The following ADCY2 variants were observed in gnomAD, a reference collection of about 807,000 sequenced individuals.
ADCY2 encodes the protein adenylate cyclase type 2.
A neutral mutation model predicts 125.2 loss-of-function variants in ADCY2; 31 were observed. That is an observed-to-expected ratio of 0.25 (90% CI 0.19 to 0.33). ADCY2 has a LOEUF of 0.33. Ranked by LOEUF, ADCY2 falls within the 10% of genes least tolerant of loss-of-function variation. The pLI is 1.00. For synonymous variants in ADCY2, 512 were observed against 548.4 expected (o/e 0.93, Z 0.93); for missense variants, 904 against 1,418.2 (o/e 0.64, Z 5.82).
chr5:7,770,725 G>A (rs1426988413), intron 17 of ADCY2, among the ~76,000 whole-genome samples: 2 of 152,072 alleles, frequency 1.3e-5, no homozygotes, highest in African/African-American at 2.4e-5. Context: ...CCAGTTCCTG[G>A]GGCAATTTCC....
intron 20 of ADCY2, among the ~76,000 whole-genome samples, chr5:7,793,359 G>A (rs577167061): frequency 1.3e-5 from 2 of 152,326 alleles, no homozygotes; most frequent in Non-Finnish European, 2.9e-5. Context: ...ACTGAGGCAG[G>A]AGAATCGCAC....
At chr5:7,523,262 A>AG in intron 3 of ADCY2, among the ~76,000 whole-genome samples, 1 of 149,544 alleles carries the variant, frequency 6.7e-6, no homozygotes, top group East Asian at 2.0e-4. Flanking sequence ...TGAATACTGT[A>AG]TTCTTTATTG....
intron 4 of ADCY2, among the ~76,000 whole-genome samples, chr5:7,680,391 A>G (rs1740290085): frequency 6.6e-6 from 1 of 152,228 alleles, no homozygotes; most frequent in Non-Finnish European, 1.5e-5. Flanking sequence ...TTTAGAGTAT[A>G]GGCAGATGTG....
intron 2 of ADCY2, among the ~76,000 whole-genome samples, chr5:7,435,084 C>T (rs6886213): frequency 0.38 from 57,707 of 151,990 alleles, 11,142 homozygotes; most frequent in South Asian, 0.5. Context: ...TATGTGTTCT[C>T]CTTGCGTGTT....
At chr5:7,397,451 T>G (rs1002895166) in intron 1 of ADCY2, among the ~76,000 whole-genome samples, 8 of 141,418 alleles carry the variant, frequency 5.7e-5, no homozygotes, top group South Asian at 2.4e-4. Context: ...GTGAGTTTTT[T>G]TTTTTTTTTT....
At chr5:7,608,422 A>G (rs562723133) in intron 3 of ADCY2, among the ~76,000 whole-genome samples, 21 of 152,208 alleles carry the variant, frequency 1.4e-4, no homozygotes, top group African/African-American at 5.1e-4. Flanking sequence ...CTAAAAATAC[A>G]AAAGTTAGCC....
Position 7,396,650 on chromosome 5 carries a change from C to T in ADCY2, c.210+144C>T, listed in dbSNP as rs1455466101. Reference sequence around the variant, plus strand: ...CGGCAGCCCCTCGGCCCGCGGCTCCCTGCTTCTCCTGCTGGCCCGCGGCCC... The same window carrying T: ...CGGCAGCCCCTCGGCCCGCGGCTCCTTGCTTCTCCTGCTGGCCCGCGGCCC... On this transcript the variant is annotated intron_variant, in intron 1 of 24. Transcript: ENST00000338316. This position sits in a 1 kb window ranked among gnomAD's most constrained non-coding sequence, Gnocchi z 5.7. 2.3e-5 allele frequency: 11 copies of T among 483,098 alleles called. No individual in the cohort carries two copies. In the East Asian group the frequency reaches 4.4e-4, roughly 19 times the overall value. The allele number at this position is 483,098 out of a possible 1,614,324, so 29.9% of individuals were successfully genotyped here.
At chr5:7,711,272 A>G (rs1373668702) in intron 10 of ADCY2, among the ~76,000 whole-genome samples, 2 of 152,184 alleles carry the variant, frequency 1.3e-5, no homozygotes, top group Non-Finnish European at 2.9e-5. Flanking sequence ...TGTTAGAGAA[A>G]CAGCATCCTA....
chr5:7,529,168 A>G (rs1734562116), intron 3 of ADCY2, among the ~76,000 whole-genome samples: 1 of 152,220 alleles, frequency 6.6e-6, no homozygotes, highest in South Asian at 2.1e-4. Flanking sequence ...AGGGAGAGAC[A>G]GAGCTGGGCT....
intron 5 of ADCY2, 131 bp downstream of exon 5, chr5:7,690,970 C>A: frequency 9.0e-7 from 1 of 1,109,096 alleles, no homozygotes; most frequent in Non-Finnish European, 1.2e-6. Flanking sequence ...GAAATAATCA[C>A]ACAGATTCTG....
chr5:7,821,119 A>G (rs1745286541), intron 24 of ADCY2, among the ~76,000 whole-genome samples: 1 of 152,154 alleles, frequency 6.6e-6, no homozygotes, highest in Admixed American at 6.5e-5. Context: ...TAGGCTTCGG[A>G]GAGGTGGGAG....
At chr5:7,403,108 T>C (rs893165237) in intron 1 of ADCY2, among the ~76,000 whole-genome samples, 6 of 152,172 alleles carry the variant, frequency 3.9e-5, no homozygotes, top group Non-Finnish European at 4.4e-5. Context: ...CAACACTGAA[T>C]TATTTTTTGT....
Position 7,581,431 on chromosome 5 carries a change from A to G in ADCY2, c.571-44736A>G, listed in dbSNP as rs371762630. 6.6e-5 allele frequency among the ~76,000 whole-genome samples: 10 copies of G among 152,176 alleles called. No homozygotes were observed. In the East Asian group the frequency reaches 1.4e-3, roughly 21 times the overall value. ...TAAATCAACTTTAATCACTAGAGCA[A>G]TCACTTGGGTAGTAATGCAAAGAGG... is the stretch of plus-strand genomic sequence containing the variant. On this transcript the variant is annotated intron_variant, in intron 3 of 24. Transcript: ENST00000338316.
At chr5:7,710,432 G>A (rs930197473) in intron 10 of ADCY2, among the ~76,000 whole-genome samples, 1 of 152,212 alleles carries the variant, frequency 6.6e-6, no homozygotes, top group Non-Finnish European at 1.5e-5. Flanking sequence ...GTGAGGTGCT[G>A]ATGAGGGCCA....
At chr5:7,703,592 T>C (rs948552818) in intron 7 of ADCY2, among the ~76,000 whole-genome samples, 1 of 152,162 alleles carries the variant, frequency 6.6e-6, no homozygotes, top group African/African-American at 2.4e-5. Context: ...ATATCTCTGT[T>C]TTCGTACCAG....
chr5:7,459,772 ATTTTTTTTTTTTTTTTTT>A lies in ADCY2; in HGVS notation c.408+45018_408+45035del, dbSNP rs3033085. On this transcript the variant is annotated intron_variant, in intron 2 of 24. Transcript: ENST00000338316. ...GAACTATCTAGCAGTTTAAGAGGTA[ATTTTTTTTTTTTTTTTTT>A]TTTTTTTTTTTTTTTGACGGGAGTC... Among the ~76,000 whole-genome samples, 557 of 72,906 alleles carry A rather than the reference ATTTTTTTTTTTTTTTTTT, an allele frequency of 7.6e-3. 2 individuals carry two copies. Among genetic ancestry groups the A allele is most frequent in the South Asian group, 0.03 (50 of 1,672 alleles). The allele number at this position is 72,906 out of a possible 152,430, so 47.8% of individuals were successfully genotyped here.
rs1738129892 is a variant in ADCY2 at position 7,626,426 on chromosome 5, G to T, written c.720+110G>T. 9 of 1,287,128 alleles carry T rather than the reference G, an allele frequency of 7.0e-6. No individual in the cohort carries two copies. The South Asian group carries it at 1.3e-4, about 19-fold the overall frequency. The allele number at this position is 1,287,128 out of a possible 1,614,324, so 79.7% of individuals were successfully genotyped here. ...TCATTCATGAGCTTCAGAAAAATCA[G>T]AGAAGAAACCCTGGGCTCTGCACCT... On this transcript the variant is annotated intron_variant, in intron 4 of 24. Transcript: ENST00000338316.
chr5:7,727,040 G>A, intron 13 of ADCY2, 124 bp from the exon 14 acceptor site: 1 of 676,398 alleles, frequency 1.5e-6, no homozygotes, highest in Non-Finnish European at 2.5e-6. Context: ...CTTAGCTCAC[G>A]TTGGCTGCAA....
chr5:7,472,584 T>A (rs1390397406), intron 2 of ADCY2, among the ~76,000 whole-genome samples: 1 of 152,156 alleles, frequency 6.6e-6, no homozygotes, highest in Non-Finnish European at 1.5e-5. Flanking sequence ...TTTTCATGTG[T>A]CTCATAATTT....
Sources: allele counts gnomAD v4.1 joint callset (sites outside exome capture counted in the v4.1 genomes callset), GRCh38; gene constraint gnomAD v4.1.1; non-coding constraint Gnocchi (gnomAD v3.1); transcripts MANE v1.5; gene names NCBI Gene and HGNC (gene_info 2026-07-23, HGNC 2026-07-21).